C6: variants seen among roughly 807,000 people sequenced by gnomAD.
The protein encoded by C6 is complement component C6.
A neutral mutation model predicts 112.9 loss-of-function variants in C6; 101 were observed. The ratio of observed to expected loss-of-function variants is 0.89; its 90% CI spans 0.76 to 1.06. The LOEUF (loss-of-function observed/expected upper bound fraction) is 1.06. Ranked by LOEUF, C6 falls within the 50% of genes least tolerant of loss-of-function variation. The pLI, the probability that C6 is intolerant of heterozygous loss-of-function variation, is 0.00. For missense variants in C6, 1,202 were observed against 1,104.6 expected, an observed-to-expected ratio of 1.09 and a Z score of -1.25; for synonymous variants, 431 against 384.1, an observed-to-expected ratio of 1.12 and a Z score of -1.43.
chr5:41,200,111 A>G (rs1458215990), intron 3 of C6, among the ~76,000 whole-genome samples, 199 bp from the exon 4 acceptor site: 1 of 152,208 alleles, frequency 6.6e-6, no homozygotes, highest in Non-Finnish European at 1.5e-5. Context: ...TTTCCCAACC[A>G]GTAAAATGAG....
chr5:41,242,686 A>C (rs1740790629), intron 1 of C6, among the ~76,000 whole-genome samples: 1 of 152,126 alleles, frequency 6.6e-6, no homozygotes, highest in South Asian at 2.1e-4. Flanking sequence ...TTTTTCTTTC[A>C]ATTCTCTCAT....
chr5:41,250,539 T>C (rs1191304061), intron 1 of C6, among the ~76,000 whole-genome samples: 1 of 152,236 alleles, frequency 6.6e-6, no homozygotes, highest in East Asian at 1.9e-4. Flanking sequence ...TGAACTGACC[T>C]GAAGTACATC....
At chr5:41,236,491 A>G (rs1293714797) in intron 1 of C6, among the ~76,000 whole-genome samples, 11 of 146,580 alleles carry the variant, frequency 7.5e-5, no homozygotes. Context: ...GTACATAACG[A>G]AATGAAGGCA....
At chr5:41,259,843 G>A (rs1741937351) in intron 1 of C6, among the ~76,000 whole-genome samples, 1 of 152,144 alleles carries the variant, frequency 6.6e-6, no homozygotes, top group African/African-American at 2.4e-5. Context: ...TTCAATAGGG[G>A]TGCTGTTGGC....
chr5:41,211,605 A>T (rs1268336016), intron 1 of C6, among the ~76,000 whole-genome samples: 2 of 151,930 alleles, frequency 1.3e-5, no homozygotes, highest in South Asian at 4.2e-4. Context: ...TTTCCTTTCA[A>T]CCACTAGATA....
chr5:41,164,300 C>T (rs1173332999), intron 9 of C6, among the ~76,000 whole-genome samples: 1 of 152,156 alleles, frequency 6.6e-6, no homozygotes, highest in South Asian at 2.1e-4. Context: ...GGAAGACTGA[C>T]ATGTTCCTGG....
In C6 at chr5:41,176,053, C is replaced by A. The variant is rs532662410; in HGVS notation, c.1168+422G>T. 2.0e-5 allele frequency among the ~76,000 whole-genome samples: 3 copies of A among 152,156 alleles called. No individual in the cohort carries two copies. In the South Asian group the frequency reaches 6.2e-4, roughly 32 times the overall value. On this transcript the variant is annotated intron_variant, in intron 8 of 17. Transcript: ENST00000337836. The stretch of plus-strand genomic sequence containing the variant: ...TACAGGAAAAAATTGCTATTTAATT[C>A]GTTATAAGGTATTGCTTTATGAAAT...
intron 1 of C6, among the ~76,000 whole-genome samples, chr5:41,207,001 A>G (rs1264100505): frequency 3.3e-5 from 5 of 152,242 alleles, no homozygotes; most frequent in Admixed American, 3.3e-4. Context: ...CCACAAAGGG[A>G]AGCCCATCAG....
intron 3 of C6, among the ~76,000 whole-genome samples, chr5:41,200,962 A>G (rs778467498): frequency 6.9e-6 from 1 of 145,476 alleles, no homozygotes; most frequent in East Asian, 2.0e-4. Flanking sequence ...AAAATCCAAA[A>G]TGCTCCAATA....
intron 8 of C6, 94 bp downstream of exon 8, chr5:41,176,381 A>T: frequency 7.8e-7 from 1 of 1,282,010 alleles, no homozygotes; most frequent in Non-Finnish European, 1.1e-6. Context: ...ATCTAAATAA[A>T]GTCAAAGCAG....
rs1561098325 is a variant in C6 at position 41,154,013 on chromosome 5, C to T, written c.2102-15G>A. 1 of 1,612,014 alleles carries T rather than the reference C, an allele frequency of 6.2e-7. No homozygotes were observed. Among genetic ancestry groups the T allele is most frequent in the Non-Finnish European group, 8.5e-7 (1 of 1,178,384 alleles). ...GCACTCCGTCCCTGCAAGAGAGCAA[C>T]ATTTCATATGTGTTTAGTGGAGCAG... On this transcript the variant is annotated splice_polypyrimidine_tract_variant and intron_variant, in intron 14 of 17. Transcript: ENST00000337836.
intron 10 of C6, among the ~76,000 whole-genome samples, chr5:41,161,197 G>T (rs1465122117): frequency 2.0e-5 from 3 of 152,118 alleles, no homozygotes; most frequent in Admixed American, 2.0e-4. Context: ...TGATACGTGG[G>T]TAAAGTATTC....
At chr5:41,212,473 A>C (rs952211690) in intron 1 of C6, among the ~76,000 whole-genome samples, 1 of 152,096 alleles carries the variant, frequency 6.6e-6, no homozygotes, top group African/African-American at 2.4e-5. Flanking sequence ...TTTTTAATCA[A>C]ATAAAAATAA....
chr5:41,212,709 A>G (rs1306591167), intron 1 of C6, among the ~76,000 whole-genome samples: 1 of 152,218 alleles, frequency 6.6e-6, no homozygotes, highest in Admixed American at 6.6e-5. Flanking sequence ...GTAGAAAAGC[A>G]GAAATTCTTC....
chr5:41,248,489 C>A (rs1741153448), intron 1 of C6, among the ~76,000 whole-genome samples: 1 of 152,148 alleles, frequency 6.6e-6, no homozygotes, highest in South Asian at 2.1e-4. Context: ...AAAGAACAAA[C>A]AACCTCATTA....
intron 5 of C6, among the ~76,000 whole-genome samples, chr5:41,188,306 C>T (rs780825391): frequency 6.6e-5 from 10 of 152,034 alleles, no homozygotes; most frequent in Non-Finnish European, 1.2e-4. Flanking sequence ...AGACCCAGAA[C>T]AGCCAAGAGA....
At chr5:41,261,270 T>C (rs1469259883) in exon 1 of C6, 1 of 862,720 alleles carries the variant, frequency 1.2e-6, no homozygotes, top group East Asian at 1.2e-4. Context: ...ACTGGTTTCA[T>C]ATTTCTTATT....
Position 41,207,960 on chromosome 5 carries a change from T to C in C6, c.-20-4710A>G, listed in dbSNP as rs541785320. Among the ~76,000 whole-genome samples the C allele has an allele frequency of 1.6e-4, 24 of 152,300 alleles. No individual in the cohort carries two copies. The Middle Eastern group carries it at 0.01, about 65-fold the overall frequency. On this transcript the variant is annotated intron_variant, in intron 1 of 17. Coordinates refer to ENST00000337836, the MANE Select transcript of C6 (RefSeq NM_000065.5). ...GCACCACTTAGCACTTATTCCAAAATTGACCACAGAGTTGGAAGTAAAGCA... is the reference window on the plus strand; with the variant it reads ...GCACCACTTAGCACTTATTCCAAAACTGACCACAGAGTTGGAAGTAAAGCA...
chr5:41,246,100 C>G (rs1379703053), intron 1 of C6, among the ~76,000 whole-genome samples: 2 of 152,162 alleles, frequency 1.3e-5, no homozygotes, highest in African/African-American at 4.8e-5. Flanking sequence ...AAAGTTAAGA[C>G]TTAAACTTGA....
Sources: allele counts gnomAD v4.1 joint callset (sites outside exome capture counted in the v4.1 genomes callset), GRCh38; gene constraint gnomAD v4.1.1; transcripts MANE v1.5; gene names NCBI Gene and HGNC (gene_info 2026-07-23, HGNC 2026-07-21).